The following SLC25A37 variants were observed in gnomAD, a reference collection of about 807,000 sequenced individuals.
SLC25A37 encodes the protein solute carrier family 25 member 37.
Under a neutral mutation model 31.0 loss-of-function variants are expected in SLC25A37, and 17 were observed. That is an observed-to-expected ratio of 0.55 (90% CI 0.38 to 0.82). SLC25A37 has a LOEUF of 0.82. Ranked by LOEUF, SLC25A37 falls within the 40% of genes least tolerant of loss-of-function variation. The probability of loss-of-function intolerance (pLI) is 0.00; values close to 1 mark genes in which losing one functional copy is unlikely to be tolerated. For missense variants in SLC25A37, 404 were observed against 465.8 expected (o/e 0.87, Z 1.22); for synonymous variants, 222 against 193.0 (o/e 1.15, Z -1.24).
Position 23,537,638 on chromosome 8 carries a change from A to G in SLC25A37, c.210+8426A>G, listed in dbSNP as rs113769517. Among the ~76,000 whole-genome samples, 510 of 152,308 alleles carry G rather than the reference A, an allele frequency of 3.3e-3. 4 individuals are homozygous for G. Among genetic ancestry groups the G allele is most frequent in the African/African-American group, 0.011 (463 of 41,556 alleles). On this transcript the variant is annotated intron_variant, in intron 1 of 3. Coordinates refer to ENST00000519973, the MANE Select transcript of SLC25A37 (RefSeq NM_016612.4). ...CCTCCCTTGCAGGTCGTTTTAGTGC[A>G]TCTAGTTGGAAAATACAGGCAGGTT...
chr8:23,546,004 A>C (rs1217154312), intron 1 of SLC25A37, among the ~76,000 whole-genome samples: 2 of 152,134 alleles, frequency 1.3e-5, no homozygotes, highest in Non-Finnish European at 2.9e-5. Context: ...GTGTGGTAGC[A>C]GATGCCTATA....
In SLC25A37 at chr8:23,566,741, A is replaced by G. The variant is rs564152472; in HGVS notation, c.439+405A>G. The G allele has an allele frequency of 3.0e-5, 30 of 999,016 alleles. No homozygotes were observed. The South Asian group carries it at 1.1e-3, about 37-fold the overall frequency. The allele number at this position is 999,016 out of a possible 1,614,324, so 61.9% of individuals were successfully genotyped here. The stretch of plus-strand genomic sequence containing the variant: ...AAAAAAAAAAAAAAGTTATCTGGAC[A>G]GCTTCTTTGAGACTATTTAAAAACT... On this transcript the variant is annotated intron_variant, in intron 2 of 3. Transcript: ENST00000519973.
intron 1 of SLC25A37, among the ~76,000 whole-genome samples, chr8:23,559,356 TGTGTGTGCGC>T (rs1485439759): frequency 2.8e-4 from 42 of 151,720 alleles, no homozygotes; most frequent in African/African-American, 9.7e-4. Flanking sequence ...TGTGTGTGCG[TGTGTGTGCGC>T]GCGCGCGTGT....
At chr8:23,549,254 G>A (rs1187850471) in intron 1 of SLC25A37, among the ~76,000 whole-genome samples, 1 of 152,096 alleles carries the variant, frequency 6.6e-6, no homozygotes, top group Non-Finnish European at 1.5e-5. Context: ...AGACTTCTGT[G>A]GTCTGGGGAG....
rs892835040 is a variant in SLC25A37 at position 23,568,559 on chromosome 8, TAA to T, written c.496+182_496+183del. 1.7e-5 allele frequency: 11 copies of T among 664,182 alleles called. No homozygotes were observed. In the African/African-American group the frequency reaches 2.0e-4, roughly 12 times the overall value. The allele number at this position is 664,182 out of a possible 1,614,324, so 41.1% of individuals were successfully genotyped here. On this transcript the variant is annotated intron_variant, in intron 3 of 3. Coordinates refer to ENST00000519973, the MANE Select transcript of SLC25A37 (RefSeq NM_016612.4). Reference sequence around the variant, plus strand: ...AAGGCCTCAAGAAAGGACGTGAACATAAGAGTTTTTGGTATTCCTGTGCTCGG... The same window carrying T: ...AAGGCCTCAAGAAAGGACGTGAACATGAGTTTTTGGTATTCCTGTGCTCGG...
rs926090746 is a variant in SLC25A37 at position 23,566,185 on chromosome 8, G to A, written c.288G>A (p.Arg96=). Residue 96 remains arginine (R), a synonymous_variant, in exon 2 of 4, where the codon CGG becomes CGA. Transcript: ENST00000519973. Reference sequence around the variant, plus strand: ...ACGGAGCCCTCAAGAAAATCATGCGGACCGAAGGCTTCTGGAGGCCCTTGC... The same window carrying A: ...ACGGAGCCCTCAAGAAAATCATGCGAACCGAAGGCTTCTGGAGGCCCTTGC... ...SIYGALKKIM[R]TEGFWRPLRG... 6.2e-7 allele frequency: 1 copy of A among 1,606,410 alleles called. No individual in the cohort carries two copies. The highest frequency in any genetic ancestry group is 1.3e-5 in the African/African-American group (1 of 74,538).
At chr8:23,570,942 AG>A (rs1802808627) in intron 3 of SLC25A37, among the ~76,000 whole-genome samples, 2 of 151,772 alleles carry the variant, frequency 1.3e-5, no homozygotes, top group Admixed American at 6.6e-5. Flanking sequence ...AGGAGGGCAG[AG>A]GGGACAGGGG....
intron 1 of SLC25A37, among the ~76,000 whole-genome samples, chr8:23,557,690 C>T (rs1802404535): frequency 1.3e-5 from 2 of 152,158 alleles, no homozygotes; most frequent in Admixed American, 1.3e-4. Flanking sequence ...GGGAGAGCTG[C>T]TGGCCAGGGG....
intron 1 of SLC25A37, among the ~76,000 whole-genome samples, chr8:23,540,718 A>G (rs1429321965): frequency 6.6e-6 from 1 of 152,178 alleles, no homozygotes; most frequent in Non-Finnish European, 1.5e-5. Flanking sequence ...ATATGTATAT[A>G]AGTCACTTAC....
chr8:23,571,505 C>G lies in SLC25A37; in HGVS notation c.667C>G (p.Gln223Glu). The change falls in exon 4 of 4, where the codon CAG becomes GAG. Residue 223 changes from glutamine to glutamate, a missense_variant. This residue lies in a region of SLC25A37 where 243 missense variants were observed against 284.4 expected (regional missense o/e 0.85). Transcript: ENST00000519973. Reference sequence around the variant, plus strand: ...CCACTTCATCACCTATGAGTTCCTGCAGGAGCAGGTCAACCCCCACCGGAC... The same window carrying G: ...CCACTTCATCACCTATGAGTTCCTGGAGGAGCAGGTCAACCCCCACCGGAC... ...SIHFITYEFL[Q>E]EQVNPHRTYN... 1 of 1,613,966 alleles carries G rather than the reference C, an allele frequency of 6.2e-7. No homozygotes were observed. The highest frequency in any genetic ancestry group is 8.5e-7 in the Non-Finnish European group (1 of 1,179,874).
chr8:23,562,143 G>C (rs1356397458), intron 1 of SLC25A37, among the ~76,000 whole-genome samples: 5 of 152,160 alleles, frequency 3.3e-5, no homozygotes, highest in Non-Finnish European at 5.9e-5. Flanking sequence ...CTCCAGCCAG[G>C]GCTCATCCCC....
intron 1 of SLC25A37, among the ~76,000 whole-genome samples, chr8:23,534,970 C>T (rs1258538768): frequency 3.9e-5 from 6 of 152,314 alleles, no homozygotes; most frequent in Admixed American, 2.0e-4. Context: ...GGCCCCTCTT[C>T]GTCCCCACCC....
intron 1 of SLC25A37, among the ~76,000 whole-genome samples, chr8:23,564,029 A>G (rs531219030): frequency 6.6e-6 from 1 of 152,354 alleles, no homozygotes; most frequent in South Asian, 2.1e-4. Context: ...GTACCATTTT[A>G]TAATCAGAGG....
At chr8:23,538,940 C>T (rs1448027793) in intron 1 of SLC25A37, among the ~76,000 whole-genome samples, 1 of 152,116 alleles carries the variant, frequency 6.6e-6, no homozygotes, top group Non-Finnish European at 1.5e-5. Flanking sequence ...CTTTCTCCTG[C>T]GAGAGACAGT....
chr8:23,560,522 C>G (rs925925856), intron 1 of SLC25A37, among the ~76,000 whole-genome samples: 3 of 152,200 alleles, frequency 2.0e-5, no homozygotes, highest in African/African-American at 7.2e-5. Flanking sequence ...CTGGTGCCAA[C>G]CTCAGTGGGT....
rs745371939 is a variant in SLC25A37 at position 23,574,558 on chromosome 8, T to A, written c.*2703T>A. On this transcript the variant is annotated 3_prime_UTR_variant, in exon 4 of 4. Transcript: ENST00000519973. ...GGGATGAGTCAGCTTGGGGAGCCAC[T>A]TGGCCAGCCTGCATGCCTGGTCATC... 3.9e-5 allele frequency: 6 copies of A among 154,898 alleles called. No homozygotes were observed. Among genetic ancestry groups the A allele is most frequent in the Non-Finnish European group, 5.9e-5 (4 of 68,272 alleles). The allele number at this position is 154,898 out of a possible 1,614,324, so 9.6% of individuals were successfully genotyped here. A position where few individuals can be genotyped will look rare whatever the true frequency, so the allele number is the denominator to read the frequency against.
chr8:23,530,171 A>G (rs1801635758), intron 1 of SLC25A37, among the ~76,000 whole-genome samples: 1 of 152,206 alleles, frequency 6.6e-6, no homozygotes, highest in South Asian at 2.1e-4. Context: ...CGCCTAATTC[A>G]TGCAACAGCC....
At chr8:23,549,440 A>G (rs150531228) in intron 1 of SLC25A37, among the ~76,000 whole-genome samples, 195 of 152,296 alleles carry the variant, frequency 1.3e-3, no homozygotes, top group Admixed American at 3.7e-3. Context: ...TACAACTTAA[A>G]TTGACTCCTC....
In SLC25A37 at chr8:23,573,480, G is replaced by T; in HGVS notation, c.*1625G>T. 4.9e-6 allele frequency: 1 copy of T among 202,364 alleles called. No individual in the cohort carries two copies. 12.5% of individuals were successfully genotyped at this position (202,364 alleles called of 1,614,324 possible). A position where few individuals can be genotyped will look rare whatever the true frequency, so the allele number is the denominator to read the frequency against. ...GAAGCTCATGTATGTTTGCATTTCA[G>T]TGAGCCGGGTCCTGACCTGCCGCCA... On this transcript the variant is annotated 3_prime_UTR_variant, in exon 4 of 4. Coordinates refer to ENST00000519973, the MANE Select transcript of SLC25A37 (RefSeq NM_016612.4).
Sources: allele counts gnomAD v4.1 joint callset (sites outside exome capture counted in the v4.1 genomes callset), GRCh38; gene constraint gnomAD v4.1.1; regional missense constraint gnomAD v4.1.1; transcripts MANE v1.5; gene names NCBI Gene and HGNC (gene_info 2026-07-23, HGNC 2026-07-21).